Variants in CRPPA observed in about 807,000 individuals in gnomAD.
The protein encoded by CRPPA is CDP-L-ribitol pyrophosphorylase A.
Under a neutral mutation model 52.0 loss-of-function variants are expected in CRPPA, and 43 were observed. The observed-to-expected ratio is 0.83, with a 90% confidence interval of 0.65 to 1.07. The LOEUF is 1.07. Among genes scored for constraint, CRPPA ranks in the 50% least tolerant of loss-of-function variants. The pLI, the probability that CRPPA is intolerant of heterozygous loss-of-function variation, is 0.00. For missense variants in CRPPA, 629 were observed against 551.7 expected (o/e 1.14, Z -1.40); for synonymous variants, 250 against 203.5 (o/e 1.23, Z -1.94).
intron 9 of CRPPA, among the ~76,000 whole-genome samples, chr7:16,197,591 C>T (rs1781766581): frequency 6.6e-6 from 1 of 151,870 alleles, no homozygotes; most frequent in South Asian, 2.1e-4. Context: ...CCTGCCTCTG[C>T]CTCTGCCTCT....
At position 16,421,306 on chromosome 7, in the gene CRPPA, G is replaced by A. The variant is rs886043968; in HGVS notation, c.17C>T (p.Pro6Leu). The change falls in exon 1 of 10, where the codon CCG becomes CTG. Residue 6 changes from proline (P) to leucine (L), a missense_variant. Pro to Leu is a moderately conservative substitution (Grantham distance 98). Transcript: ENST00000407010. ...CGGCTCCGCCGGCCTGGCGCTGCCCGGCGGCCCGGCCTCCATGGCTGCGGG... is the reference window on the plus strand; with the variant it reads ...CGGCTCCGCCGGCCTGGCGCTGCCCAGCGGCCCGGCCTCCATGGCTGCGGG... Reference protein sequence around the residue: MEAGPPGSARPAEPGP... With the variant: MEAGPLGSARPAEPGP... 1 of 1,261,862 alleles carries A rather than the reference G, an allele frequency of 7.9e-7. No homozygotes were observed. The highest frequency in any genetic ancestry group is 3.2e-5 in the South Asian group (1 of 31,534). The allele number at this position is 1,261,862 out of a possible 1,614,324, so 78.2% of individuals were successfully genotyped here.
intron 9 of CRPPA, among the ~76,000 whole-genome samples, chr7:16,212,490 C>G (rs10272175): frequency 0.4 from 61,306 of 151,932 alleles, 12,734 homozygotes; most frequent in South Asian, 0.54. Context: ...AGACGTCTGA[C>G]AAAAGAACAG....
At chr7:16,100,136 C>T (rs907148933) in intron 9 of CRPPA, among the ~76,000 whole-genome samples, 2 of 152,210 alleles carry the variant, frequency 1.3e-5, no homozygotes, top group South Asian at 2.1e-4. Context: ...CTTTCTTTTA[C>T]TGTTCAGAAT....
chr7:16,113,943 A>G (rs1782316959), intron 9 of CRPPA, among the ~76,000 whole-genome samples: 1 of 152,068 alleles, frequency 6.6e-6, no homozygotes, highest in South Asian at 2.1e-4. Flanking sequence ...TAGTCTCTAG[A>G]AAATTATAAA....
At chr7:16,385,960 G>T (rs906229317) in intron 2 of CRPPA, among the ~76,000 whole-genome samples, 1 of 152,178 alleles carries the variant, frequency 6.6e-6, no homozygotes, top group Non-Finnish European at 1.5e-5. Context: ...AAGCCCCAGT[G>T]GGCATGCATG....
At chr7:16,412,326 G>A (rs1227999365) in intron 1 of CRPPA, among the ~76,000 whole-genome samples, 3 of 152,150 alleles carry the variant, frequency 2.0e-5, no homozygotes, top group Admixed American at 1.3e-4. Context: ...ATTAAAATGC[G>A]TAGCACAGAG....
intron 7 of CRPPA, 132 bp from the exon 8 acceptor site, chr7:16,258,614 C>T: frequency 1.6e-6 from 1 of 626,468 alleles, no homozygotes; most frequent in Non-Finnish European, 2.6e-6. Flanking sequence ...AATTTAGAAA[C>T]AATTTTAAAG....
At chr7:16,262,679 A>G (rs1277388478) in intron 6 of CRPPA, among the ~76,000 whole-genome samples, 1 of 152,184 alleles carries the variant, frequency 6.6e-6, no homozygotes, top group East Asian at 1.9e-4. Flanking sequence ...GCCACAGAAA[A>G]TTGAGATATT....
At chr7:16,171,755 T>A (rs535557132) in intron 9 of CRPPA, among the ~76,000 whole-genome samples, 5 of 152,284 alleles carry the variant, frequency 3.3e-5, no homozygotes, top group Admixed American at 3.3e-4. Flanking sequence ...ACTGTGCCAC[T>A]GCACTCAGCC....
intron 8 of CRPPA, among the ~76,000 whole-genome samples, chr7:16,216,748 C>T (rs193093575): frequency 5.9e-5 from 9 of 152,312 alleles, no homozygotes; most frequent in East Asian, 5.8e-4. Context: ...TAAAAAACGG[C>T]GCACCACGAG....
chr7:16,124,475 G>C (rs1209611506), intron 9 of CRPPA, among the ~76,000 whole-genome samples: 1 of 152,118 alleles, frequency 6.6e-6, no homozygotes, highest in Non-Finnish European at 1.5e-5. Flanking sequence ...AATAAGTCAG[G>C]CATAAAGAGA....
rs1781824809 is a variant in CRPPA, at chr7:16,090,929, T to C, written c.*766A>G. 6.6e-6 allele frequency: 1 copy of C among 152,200 alleles called. No individual in the cohort carries two copies. Among genetic ancestry groups the C allele is most frequent in the Non-Finnish European group, 1.5e-5 (1 of 68,036 alleles). The allele number at this position is 152,200 out of a possible 1,614,324, so 9.4% of individuals were successfully genotyped here. On this transcript the variant is annotated 3_prime_UTR_variant, in exon 10 of 10. Transcript: ENST00000407010. ...ACTAATTTAACTCTATGATGTACAA[T>C]AGATTCTCTACCTTATAGAAGATAA...
At chr7:16,270,650 T>C (rs953131289) in intron 6 of CRPPA, 4 of 152,154 alleles carry the variant, frequency 2.6e-5, no homozygotes, top group East Asian at 3.9e-4. Flanking sequence ...TACACATGCA[T>C]GTAACACATA....
intron 3 of CRPPA, among the ~76,000 whole-genome samples, chr7:16,365,943 A>G (rs1562656079): frequency 1.3e-5 from 2 of 152,246 alleles, no homozygotes; most frequent in Non-Finnish European, 2.9e-5. Flanking sequence ...ACATTAAAGC[A>G]TATTGAAATG....
intron 9 of CRPPA, among the ~76,000 whole-genome samples, chr7:16,108,877 A>G (rs1782205566): frequency 6.6e-6 from 1 of 151,940 alleles, no homozygotes; most frequent in Non-Finnish European, 1.5e-5. Context: ...ATCAATAAAG[A>G]AAAGAAAAAT....
chr7:16,402,619 A>T (rs1787847281), intron 2 of CRPPA, among the ~76,000 whole-genome samples: 1 of 152,184 alleles, frequency 6.6e-6, no homozygotes, highest in Non-Finnish European at 1.5e-5. Flanking sequence ...TTAATCGTAC[A>T]TGATAAGGGA....
In CRPPA at chr7:16,258,455, G is replaced by T. The variant is rs185594460; in HGVS notation, c.1054C>A (p.Gln352Lys). 2.3e-3 allele frequency: 3,737 copies of T among 1,603,468 alleles called. 9 individuals carry two copies. Among genetic ancestry groups the T allele is most frequent in the Non-Finnish European group, 3.0e-3 (3,502 of 1,174,444 alleles). ...TCTTCAAGCATGCTCAGTAACTTCT[G>T]GGTTTCTTGAAAATCAGAGGTTGTA... The part of the protein sequence containing the change: ...NVTTSDFQET[Q>K]KLLSMLEESS... Residue 352 changes from glutamine to lysine, a missense_variant, in exon 8 of 10, where the codon CAG becomes AAG. By Grantham distance (53) the Gln-to-Lys change is moderately conservative. Coordinates refer to ENST00000407010, the MANE Select transcript of CRPPA (RefSeq NM_001101426.4).
At chr7:16,096,915 T>C (rs910350048) in intron 9 of CRPPA, among the ~76,000 whole-genome samples, 2 of 152,208 alleles carry the variant, frequency 1.3e-5, no homozygotes, top group African/African-American at 4.8e-5. Flanking sequence ...CAATATTATT[T>C]CTTCTTTCTG....
At chr7:16,359,974 C>T (rs1434185172) in intron 3 of CRPPA, among the ~76,000 whole-genome samples, 9 of 152,090 alleles carry the variant, frequency 5.9e-5, no homozygotes, top group African/African-American at 2.2e-4. Context: ...GTTGTTGTCC[C>T]CACTCTAGCC....
Sources: allele counts gnomAD v4.1 joint callset (sites outside exome capture counted in the v4.1 genomes callset), GRCh38; gene constraint gnomAD v4.1.1; transcripts MANE v1.5; gene names NCBI Gene and HGNC (gene_info 2026-07-23, HGNC 2026-07-21).